The following CDH18 variants were observed in gnomAD, a reference collection of about 807,000 sequenced individuals.
The protein encoded by CDH18 is cadherin-18.
Under a neutral mutation model 67.9 loss-of-function variants are expected in CDH18, and 31 were observed. That is an observed-to-expected ratio of 0.46 (90% confidence interval 0.34 to 0.62). The LOEUF (loss-of-function observed/expected upper bound fraction) is 0.62, where lower values mean the gene tolerates loss of function less well. CDH18 is among the 20% of genes least tolerant of loss of function. The probability of loss-of-function intolerance (pLI) is 0.01; values close to 1 mark genes in which losing one functional copy is unlikely to be tolerated. For missense variants in CDH18, 890 were observed against 975.5 expected (o/e 0.91, Z 1.17); for synonymous variants, 362 against 347.2 (o/e 1.04, Z -0.48).
At chr5:19,968,154 A>G (rs558144955) in intron 2 of CDH18, among the ~76,000 whole-genome samples, 1 of 152,234 alleles carries the variant, frequency 6.6e-6, no homozygotes, top group South Asian at 2.1e-4. Flanking sequence ...GGACCTCTTC[A>G]AGGATAACTA....
chr5:19,531,893 G>A (rs1356273848), intron 9 of CDH18, among the ~76,000 whole-genome samples: 6 of 152,142 alleles, frequency 3.9e-5, no homozygotes, highest in Admixed American at 1.3e-4. Context: ...GGTGTCCACA[G>A]TATCTACTTG....
rs569846506 is a variant in CDH18, at chr5:19,961,535, G to T, written c.-257+19525C>A. On this transcript the variant is annotated intron_variant, in intron 2 of 12. Coordinates refer to ENST00000382275, the MANE Select transcript of CDH18 (RefSeq NM_004934.5). Reference sequence around the variant, plus strand: ...CAGTTGTGAAATTGTGATGCCACTGGCAATGATGGAGTGTACCCACTTCAG... The same window carrying T: ...CAGTTGTGAAATTGTGATGCCACTGTCAATGATGGAGTGTACCCACTTCAG... Among the ~76,000 whole-genome samples the T allele has an allele frequency of 2.6e-5, 4 of 152,170 alleles. No individual in the cohort carries two copies. In the East Asian group the frequency reaches 7.7e-4, roughly 29 times the overall value.
At chr5:20,385,472 G>A (rs1166592407) in intron 1 of CDH18, among the ~76,000 whole-genome samples, 1 of 152,130 alleles carries the variant, frequency 6.6e-6, no homozygotes, top group African/African-American at 2.4e-5. Context: ...GACTTCTTCA[G>A]GCTAACCTAA....
chr5:19,473,323 T>C lies in CDH18; in HGVS notation c.2276A>G (p.Gln759Arg). The change falls in exon 13 of 13, where the codon CAA becomes CGA. Residue 759 changes from glutamine (Q) to arginine (R), a missense_variant. Physicochemically the swap from Gln to Arg is conservative, Grantham distance 43 (BLOSUM62 1). Coordinates refer to ENST00000382275, the MANE Select transcript of CDH18 (RefSeq NM_004934.5). Reference protein sequence around the residue: ...SISSLDSATTQSDQDYHYLGD... With the variant: ...SISSLDSATTRSDQDYHYLGD... The stretch of plus-strand genomic sequence containing the variant: ...AAGGTAGTGATAATCCTGGTCTGAT[T>C]GTGTCGTTGCTGAATCCAGCGAGCT... 1 of 1,613,876 alleles carries C rather than the reference T, an allele frequency of 6.2e-7. No individual in the cohort carries two copies. The highest frequency in any genetic ancestry group is 8.5e-7 in the Non-Finnish European group (1 of 1,179,870).
chr5:19,756,374 G>A (rs1025091218), intron 3 of CDH18, among the ~76,000 whole-genome samples: 1 of 152,212 alleles, frequency 6.6e-6, no homozygotes, highest in African/African-American at 2.4e-5. Flanking sequence ...TGGTATTGAT[G>A]ACTACTTTCT....
chr5:19,652,223 T>C (rs942377444), intron 5 of CDH18, among the ~76,000 whole-genome samples: 2 of 152,110 alleles, frequency 1.3e-5, no homozygotes, highest in Admixed American at 6.6e-5. Context: ...GGAATTTTTA[T>C]GTTATTAGGT....
chr5:20,008,404 A>C (rs569728922), intron 2 of CDH18, among the ~76,000 whole-genome samples: 1 of 152,262 alleles, frequency 6.6e-6, no homozygotes, highest in Non-Finnish European at 1.5e-5. Flanking sequence ...GCAGAAACAA[A>C]TCTATAAATG....
At chr5:19,732,453 A>G (rs902644124) in intron 4 of CDH18, among the ~76,000 whole-genome samples, 2 of 151,864 alleles carry the variant, frequency 1.3e-5, no homozygotes, top group African/African-American at 4.8e-5. Context: ...GCAGCGGGCT[A>G]TGATTATGCC....
intron 2 of CDH18, among the ~76,000 whole-genome samples, chr5:20,234,051 T>C (rs952529088): frequency 6.6e-6 from 1 of 152,192 alleles, no homozygotes; most frequent in African/African-American, 2.4e-5. Context: ...AACACTTTCA[T>C]TCTGCAATGG....
chr5:19,973,742 A>G (rs1798242903), intron 2 of CDH18, among the ~76,000 whole-genome samples: 3 of 152,160 alleles, frequency 2.0e-5, no homozygotes. Context: ...ACTGCTTAGC[A>G]TATTTGAGGA....
At chr5:19,770,676 T>A (rs1044864516) in intron 3 of CDH18, among the ~76,000 whole-genome samples, 3 of 151,390 alleles carry the variant, frequency 2.0e-5, no homozygotes, top group African/African-American at 7.3e-5. Context: ...GTCCACAGAG[T>A]GTAGTCATGA....
intron 1 of CDH18, among the ~76,000 whole-genome samples, chr5:20,281,847 A>G (rs992190468): frequency 6.6e-6 from 1 of 152,194 alleles, no homozygotes; most frequent in African/African-American, 2.4e-5. Context: ...ACCCATGAGC[A>G]TGGAATGTTC....
At chr5:19,478,594 T>TA (rs1201226430) in intron 12 of CDH18, 4 of 152,218 alleles carry the variant, frequency 2.6e-5, no homozygotes, top group Non-Finnish European at 4.4e-5. Flanking sequence ...AGGAAATTTA[T>TA]ATCCAATATT....
chr5:20,376,710 T>A (rs1376366997), intron 1 of CDH18, among the ~76,000 whole-genome samples: 2 of 152,016 alleles, frequency 1.3e-5, no homozygotes, highest in African/African-American at 2.4e-5. Flanking sequence ...ATCATTGGCA[T>A]TATTATGCTT....
intron 2 of CDH18, among the ~76,000 whole-genome samples, chr5:19,995,222 C>A (rs1735911279): frequency 6.6e-6 from 1 of 152,076 alleles, no homozygotes; most frequent in South Asian, 2.1e-4. Context: ...CTAAGCATCA[C>A]TTAGCCCAGT....
intron 3 of CDH18, among the ~76,000 whole-genome samples, chr5:19,790,750 C>T (rs62353659): frequency 0.062 from 9,489 of 152,086 alleles, 342 homozygotes; most frequent in Non-Finnish European, 0.081. Flanking sequence ...AGAGTTTATA[C>T]GGTGCACAGG....
intron 5 of CDH18, among the ~76,000 whole-genome samples, chr5:19,623,982 C>CATTATTATTATTATTATT (rs70950078): frequency 3.6e-5 from 5 of 139,828 alleles, no homozygotes; most frequent in East Asian, 2.1e-4. Context: ...TGTCACACTC[C>CATTATTATTATTATTATT]ATTATTATTA....
chr5:19,567,342 A>G (rs1230843428), intron 8 of CDH18, among the ~76,000 whole-genome samples: 1 of 152,234 alleles, frequency 6.6e-6, no homozygotes, highest in Non-Finnish European at 1.5e-5. Flanking sequence ...GGTAAAATAC[A>G]AAGACTGAAG....
At chr5:19,982,418 A>C (rs1488847235) in intron 1 of CDH18, among the ~76,000 whole-genome samples, 1 of 144,710 alleles carries the variant, frequency 6.9e-6, no homozygotes, top group Non-Finnish European at 1.5e-5. Context: ...TTTTTCTGAA[A>C]ATTTTTTAAA....
Sources: allele counts gnomAD v4.1 joint callset (sites outside exome capture counted in the v4.1 genomes callset), GRCh38; gene constraint gnomAD v4.1.1; transcripts MANE v1.5; gene names NCBI Gene and HGNC (gene_info 2026-07-23, HGNC 2026-07-21).